Variants in SACM1L observed in about 807,000 individuals in gnomAD.
SACM1L encodes the protein phosphatidylinositol-3-phosphatase SAC1.
SACM1L carries 32 observed loss-of-function variants against 89.5 expected under a neutral mutation model. That is an observed-to-expected ratio of 0.36 (90% CI 0.27 to 0.48). The LOEUF is 0.48. SACM1L is among the 20% of genes least tolerant of loss of function. SACM1L has a pLI of 0.99. For missense variants in SACM1L, 543 were observed against 708.5 expected (o/e 0.77, Z 2.65); for synonymous variants, 213 against 232.8 (o/e 0.92, Z 0.77).
intron 1 of SACM1L, among the ~76,000 whole-genome samples, chr3:45,696,827 C>G (rs1698138833): frequency 6.6e-6 from 1 of 152,050 alleles, no homozygotes; most frequent in South Asian, 2.1e-4. Context: ...ACTAGAAAAT[C>G]GCAATGCCAA....
intron 11 of SACM1L, among the ~76,000 whole-genome samples, chr3:45,727,650 ACTCT>A (rs1698953249): frequency 6.6e-6 from 1 of 151,890 alleles, no homozygotes. Context: ...ATGGTGTCTC[ACTCT>A]GTCACCCAGG....
intron 1 of SACM1L, among the ~76,000 whole-genome samples, chr3:45,701,768 C>T (rs1182677254): frequency 6.6e-6 from 1 of 152,196 alleles, no homozygotes; most frequent in Non-Finnish European, 1.5e-5. Flanking sequence ...TGTAATCCCT[C>T]CTTTTTCTCC....
chr3:45,717,946 A>C (rs1698700066), intron 7 of SACM1L, among the ~76,000 whole-genome samples: 1 of 152,256 alleles, frequency 6.6e-6, no homozygotes, highest in Non-Finnish European at 1.5e-5. Flanking sequence ...TTTTTTTTAA[A>C]AAAGCAGACA....
chr3:45,729,252 A>G (rs934025164), intron 11 of SACM1L, among the ~76,000 whole-genome samples: 4 of 113,906 alleles, frequency 3.5e-5, no homozygotes, highest in Non-Finnish European at 7.2e-5. Flanking sequence ...ACACCCAGCT[A>G]ATTTTTTTAT....
Position 45,732,133 on chromosome 3 carries a change from A to C in SACM1L, c.1082A>C (p.Glu361Ala), listed in dbSNP as rs1307109114. ...RLSILLDQVA[E>A]MQDELSYFLV... The stretch of plus-strand genomic sequence containing the variant: ...AGTATTTTATTGGATCAGGTAGCAG[A>C]AATGCAAGATGAATTAAGGTAAGCT... Residue 361 changes from glutamate (E) to alanine (A), a missense_variant, in exon 13 of 20, where the codon GAA becomes GCA. By Grantham distance (107) the Glu-to-Ala change is moderately radical. Transcript: ENST00000389061. 1 of 1,602,180 alleles carries C rather than the reference A, an allele frequency of 6.2e-7. No individual in the cohort carries two copies. Among genetic ancestry groups the C allele is most frequent in the Non-Finnish European group, 8.5e-7 (1 of 1,173,506 alleles).
chr3:45,714,918 A>G (rs1462382307), intron 7 of SACM1L, among the ~76,000 whole-genome samples: 1 of 152,248 alleles, frequency 6.6e-6, no homozygotes, highest in Non-Finnish European at 1.5e-5. Context: ...CAGACCACAT[A>G]TATGAAGGTG....
Position 45,713,216 on chromosome 3 carries a change from ATC to A in SACM1L, c.543+22_543+23del. On this transcript the variant is annotated intron_variant, in intron 6 of 19. Transcript: ENST00000389061. Reference sequence around the variant, plus strand: ...CCAGAGGTAATGTACACGAAATAAAATCTGCTTAATTGTTACAGTCCAAGCTT... The same window carrying A: ...CCAGAGGTAATGTACACGAAATAAAATGCTTAATTGTTACAGTCCAAGCTT... The A allele has an allele frequency of 6.3e-7, 1 of 1,592,386 alleles. No individual in the cohort carries two copies.
chr3:45,741,785 A>C (rs1280030811), intron 19 of SACM1L, among the ~76,000 whole-genome samples: 1 of 152,240 alleles, frequency 6.6e-6, no homozygotes, highest in Non-Finnish European at 1.5e-5. Context: ...GGATGGCTGT[A>C]CATTCTTTGT....
intron 4 of SACM1L, among the ~76,000 whole-genome samples, chr3:45,708,657 A>G (rs1421277803): frequency 2.0e-5 from 3 of 152,094 alleles, no homozygotes; most frequent in Non-Finnish European, 4.4e-5. Context: ...AGCTGTATTT[A>G]TTTAATAGAC....
In SACM1L at chr3:45,709,533, C is replaced by G; in HGVS notation, c.369C>G (p.Asn123Lys). Reference sequence around the variant, plus strand: ...ATAAAACCTTCCTAGCGATGCTAAACCATGTCTTGAATGTGGATGGATTTT... The same window carrying G: ...ATAAAACCTTCCTAGCGATGCTAAAGCATGTCTTGAATGTGGATGGATTTT... ...QDNKTFLAMLNHVLNVDGFYF... is the reference protein window; with the variant it reads ...QDNKTFLAMLKHVLNVDGFYF... Residue 123 changes from asparagine (N) to lysine (K), a missense_variant, in exon 5 of 20, where the codon AAC becomes AAG. Asn to Lys is a moderately conservative substitution (Grantham distance 94). Transcript: ENST00000389061. 1 of 1,613,330 alleles carries G rather than the reference C, an allele frequency of 6.2e-7. No individual in the cohort carries two copies. The highest frequency in any genetic ancestry group is 8.5e-7 in the Non-Finnish European group (1 of 1,179,600).
chr3:45,696,028 C>T (rs534222537), intron 1 of SACM1L, among the ~76,000 whole-genome samples: 338 of 144,278 alleles, frequency 2.3e-3, no homozygotes, highest in African/African-American at 7.4e-3. Context: ...GATGGAGTCT[C>T]GCTCTGTTGC....
At chr3:45,705,814 A>G (rs1485492016) in intron 3 of SACM1L, among the ~76,000 whole-genome samples, 3 of 152,122 alleles carry the variant, frequency 2.0e-5, no homozygotes, top group Non-Finnish European at 4.4e-5. Flanking sequence ...TGTAAATAAA[A>G]TTTTCAATGC....
intron 3 of SACM1L, 62 bp downstream of exon 3, chr3:45,705,271 T>C (rs1343387480): frequency 1.0e-6 from 1 of 977,762 alleles, no homozygotes; most frequent in Non-Finnish European, 1.6e-6. Context: ...AAATTGTTAA[T>C]ATTAGAGTGA....
In SACM1L at chr3:45,706,823, ATTTTTC is replaced by A; in HGVS notation, c.250_255del (p.Phe84_Phe85del). ...TTACCAAAAAGATAAAAGTAGGTGA[ATTTTTC>A]AGTCATGTAGTCTGGAAAGCAACAG... On this transcript the variant is annotated inframe_deletion, in exon 4 of 20. Transcript: ENST00000389061. 1 of 1,612,454 alleles carries A rather than the reference ATTTTTC, an allele frequency of 6.2e-7. No homozygotes were observed. The highest frequency in any genetic ancestry group is 1.1e-5 in the South Asian group (1 of 90,884).
At chr3:45,715,382 T>C (rs942879200) in intron 7 of SACM1L, among the ~76,000 whole-genome samples, 1 of 152,210 alleles carries the variant, frequency 6.6e-6, no homozygotes, top group African/African-American at 2.4e-5. Flanking sequence ...TCCACAGTTA[T>C]GGGGAAATAA....
At chr3:45,735,053 C>T in intron 13 of SACM1L, 182 bp from the exon 14 acceptor site, 1 of 486,674 alleles carries the variant, frequency 2.1e-6, no homozygotes, top group Non-Finnish European at 3.4e-6. Flanking sequence ...TGTCTTGCCT[C>T]AGCCATTTAG....
Position 45,713,207 on chromosome 3 carries a change from C to T in SACM1L, c.543+11C>T, listed in dbSNP as rs373080052. The T allele has an allele frequency of 9.4e-6, 15 of 1,603,232 alleles. No homozygotes were observed. Among genetic ancestry groups the T allele is most frequent in the Admixed American group, 3.4e-5 (2 of 59,436 alleles). Reference sequence around the variant, plus strand: ...TCTGCACAGCCAGAGGTAATGTACACGAAATAAAATCTGCTTAATTGTTAC... The same window carrying T: ...TCTGCACAGCCAGAGGTAATGTACATGAAATAAAATCTGCTTAATTGTTAC... On this transcript the variant is annotated intron_variant, in intron 6 of 19. Coordinates refer to ENST00000389061, the MANE Select transcript of SACM1L (RefSeq NM_014016.5).
At chr3:45,710,114 G>C (rs1698489115) in intron 5 of SACM1L, among the ~76,000 whole-genome samples, 1 of 151,954 alleles carries the variant, frequency 6.6e-6, no homozygotes, top group Admixed American at 6.6e-5. Context: ...CTTCTGTAGT[G>C]ATGCTTATTT....
rs748942532 is a variant in SACM1L, at chr3:45,731,849, C to G, written c.1002-204C>G. 3.3e-5 allele frequency among the ~76,000 whole-genome samples: 5 copies of G among 152,094 alleles called. No individual in the cohort carries two copies. In the South Asian group the frequency reaches 6.2e-4, roughly 19 times the overall value. ...GCACATATCATATATATATTTTTTC[C>G]TCTGCTAGGTATGAGCATGAGAAGG... On this transcript the variant is annotated intron_variant, in intron 12 of 19. Transcript: ENST00000389061.
Sources: gnomAD v4.1 joint callset for allele counts (sites outside exome capture counted in the v4.1 genomes callset) on GRCh38, gnomAD v4.1.1 for gene constraint, MANE v1.5 for transcripts, NCBI Gene and HGNC (gene_info 2026-07-23, HGNC 2026-07-21) for gene names.